ADGRL3: variants seen among roughly 807,000 people sequenced by gnomAD.
The protein encoded by ADGRL3 is adhesion G protein-coupled receptor L3, also known as calcium-independent alpha-latrotoxin receptor 3.
Under a neutral mutation model 153.5 loss-of-function variants are expected in ADGRL3, and 62 were observed. The ratio of observed to expected loss-of-function variants is 0.40; its 90% CI spans 0.33 to 0.50. The LOEUF is 0.50. ADGRL3 is among the 20% of genes least tolerant of loss of function. ADGRL3 has a pLI of 0.47. For synonymous variants in ADGRL3, 710 were observed against 672.5 expected (o/e 1.06, Z -0.86); for missense variants, 1,641 against 1,859.4 (o/e 0.88, Z 2.16).
chr4:61,994,746 TTTTTTTTTCTTTCCA>T (rs907186077), intron 19 of ADGRL3, among the ~76,000 whole-genome samples: 3 of 151,306 alleles, frequency 2.0e-5, no homozygotes, highest in Non-Finnish European at 4.4e-5. Context: ...AGTTTGGTGA[TTTTTTTTTCTTTCCA>T]TTAAATAACA....
intron 17 of ADGRL3, among the ~76,000 whole-genome samples, chr4:61,968,985 A>G (rs2099016735): frequency 6.6e-6 from 1 of 152,138 alleles, no homozygotes; most frequent in Non-Finnish European, 1.5e-5. Context: ...AAAATACCGA[A>G]GAGCTAGAGG....
intron 1 of ADGRL3, among the ~76,000 whole-genome samples, chr4:61,311,312 G>A (rs2094995443): frequency 6.6e-6 from 1 of 152,098 alleles, no homozygotes; most frequent in Non-Finnish European, 1.5e-5. Context: ...TGGAATATAT[G>A]GCTTCTACAG....
At chr4:62,028,105 CTTCT>C (rs747793843) in intron 21 of ADGRL3, among the ~76,000 whole-genome samples, 110 of 151,860 alleles carry the variant, frequency 7.2e-4, no homozygotes, top group Non-Finnish European at 1.2e-3. Context: ...AACAGTTTCT[CTTCT>C]TTCTTTTTCT....
At position 61,203,624 on chromosome 4, in the gene ADGRL3, T is replaced by A. The variant is rs192141010; in HGVS notation, c.-240+1859T>A. ...TTTCATCACTAGTTAAAGAATGTCA[T>A]CGTAGAATCTGCAAAGAAACACTTC... On this transcript the variant is annotated intron_variant, in intron 1 of 26. Transcript: ENST00000683033. 2.6e-5 allele frequency among the ~76,000 whole-genome samples: 4 copies of A among 152,352 alleles called. No individual in the cohort carries two copies. In the East Asian group the frequency reaches 7.7e-4, roughly 29 times the overall value.
intron 25 of ADGRL3, among the ~76,000 whole-genome samples, chr4:62,053,623 A>C: frequency 6.6e-6 from 1 of 151,518 alleles, no homozygotes; most frequent in East Asian, 1.9e-4. Flanking sequence ...TAGAAACAAT[A>C]TGTTTCCTGA....
chr4:61,803,793 A>G (rs1229810555), intron 8 of ADGRL3, among the ~76,000 whole-genome samples: 9 of 152,094 alleles, frequency 5.9e-5, no homozygotes, highest in Non-Finnish European at 1.3e-4. Context: ...CAAACTCTAT[A>G]CTGTTACTTT....
At chr4:61,559,839 T>C (rs762937277) in intron 4 of ADGRL3, among the ~76,000 whole-genome samples, 5 of 152,086 alleles carry the variant, frequency 3.3e-5, no homozygotes, top group Admixed American at 2.0e-4. Flanking sequence ...TCTCGTGTTA[T>C]ATATGTTTTA....
intron 2 of ADGRL3, among the ~76,000 whole-genome samples, chr4:61,397,656 AT>A (rs1355004700): frequency 6.6e-6 from 1 of 151,780 alleles, no homozygotes; most frequent in East Asian, 1.9e-4. Context: ...CAGTTTTCTA[AT>A]TGCTTCATAT....
Position 62,071,415 on chromosome 4 carries a change from T to C in ADGRL3, c.*507T>C, listed in dbSNP as rs1047939121. 5.9e-6 allele frequency: 1 copy of C among 169,530 alleles called. No individual in the cohort carries two copies. Among genetic ancestry groups the C allele is most frequent in the Non-Finnish European group, 1.3e-5 (1 of 79,300 alleles). 10.5% of individuals were successfully genotyped at this position (169,530 alleles called of 1,614,324 possible). On this transcript the variant is annotated 3_prime_UTR_variant, in exon 27 of 27. Transcript: ENST00000683033. ...CAACCTGAATTCACCACAGCTGGAATAGCTGTGGAAAACAAAATAAAACAA... is the reference window on the plus strand; with the variant it reads ...CAACCTGAATTCACCACAGCTGGAACAGCTGTGGAAAACAAAATAAAACAA...
chr4:62,006,013 T>TAA (rs2099157148), intron 21 of ADGRL3, among the ~76,000 whole-genome samples: 1 of 91,940 alleles, frequency 1.1e-5, no homozygotes, highest in African/African-American at 4.0e-5. Flanking sequence ...CATATATATA[T>TAA]ATATATATAT....
chr4:61,860,425 C>A (rs947628350), intron 9 of ADGRL3, among the ~76,000 whole-genome samples: 1 of 151,916 alleles, frequency 6.6e-6, no homozygotes, highest in Non-Finnish European at 1.5e-5. Context: ...GAATTATTTG[C>A]GTTACTGATC....
At chr4:61,516,531 T>C (rs1370584524) in intron 3 of ADGRL3, among the ~76,000 whole-genome samples, 1 of 151,932 alleles carries the variant, frequency 6.6e-6, no homozygotes, top group Non-Finnish European at 1.5e-5. Flanking sequence ...TATTTAAATA[T>C]CTCTTTTCAA....
intron 9 of ADGRL3, among the ~76,000 whole-genome samples, chr4:61,845,500 G>T (rs1218729351): frequency 6.6e-6 from 1 of 151,202 alleles, no homozygotes; most frequent in Non-Finnish European, 1.5e-5. Flanking sequence ...ACAGGTGCAT[G>T]CCACCATGCT....
chr4:61,415,571 A>G (rs1035746423), intron 2 of ADGRL3, among the ~76,000 whole-genome samples: 2 of 152,046 alleles, frequency 1.3e-5, no homozygotes, highest in African/African-American at 4.8e-5. Flanking sequence ...TTTAAAATAT[A>G]GTGATGGTAA....
At chr4:61,815,513 A>G (rs1331622290) in intron 9 of ADGRL3, among the ~76,000 whole-genome samples, 1 of 152,190 alleles carries the variant, frequency 6.6e-6, no homozygotes, top group East Asian at 1.9e-4. Flanking sequence ...TGAGGATCTG[A>G]TAAGTTATTT....
chr4:61,520,722 C>T (rs1031182628), intron 4 of ADGRL3, among the ~76,000 whole-genome samples: 4 of 118,366 alleles, frequency 3.4e-5, no homozygotes, highest in African/African-American at 1.2e-4. Flanking sequence ...GTACTAAATG[C>T]AGGAATAGTG....
chr4:61,460,278 C>T (rs1006341789), intron 2 of ADGRL3, among the ~76,000 whole-genome samples: 9 of 151,878 alleles, frequency 5.9e-5, no homozygotes, highest in Non-Finnish European at 1.0e-4. Flanking sequence ...TTTCATTATT[C>T]TGCATAAGGA....
rs183692117 is a variant in ADGRL3, at chr4:61,830,634, G to A, written c.1480+16745G>A. ...TAAGACCAACTGTAGGGGGAAAGAAGTCTCAAAGCCTGTTTAAGAATCAAT... is the reference window on the plus strand; with the variant it reads ...TAAGACCAACTGTAGGGGGAAAGAAATCTCAAAGCCTGTTTAAGAATCAAT... On this transcript the variant is annotated intron_variant, in intron 9 of 26. Coordinates refer to ENST00000683033, the MANE Select transcript of ADGRL3 (RefSeq NM_001387552.1). 4.6e-3 allele frequency among the ~76,000 whole-genome samples: 699 copies of A among 152,222 alleles called. 3 individuals are homozygous for A. The highest frequency in any genetic ancestry group is 0.016 in the African/African-American group (666 of 41,542).
At chr4:61,715,276 A>T (rs920309224) in intron 6 of ADGRL3, among the ~76,000 whole-genome samples, 5 of 152,170 alleles carry the variant, frequency 3.3e-5, no homozygotes, top group South Asian at 2.1e-4. Flanking sequence ...TAAGTGGCAA[A>T]TATCTATAAA....
Sources: allele counts gnomAD v4.1 joint callset (sites outside exome capture counted in the v4.1 genomes callset), GRCh38; gene constraint gnomAD v4.1.1; transcripts MANE v1.5; gene names NCBI Gene and HGNC (gene_info 2026-07-23, HGNC 2026-07-21).